PLCG2: variants seen among roughly 807,000 people sequenced by gnomAD.
PLCG2 encodes the protein 1-phosphatidylinositol 4,5-bisphosphate phosphodiesterase gamma-2.
In PLCG2, 69 loss-of-function variants were observed where a neutral mutation model predicts 175.6. The ratio of observed to expected loss-of-function variants is 0.39; its 90% confidence interval spans 0.32 to 0.48. PLCG2 has a LOEUF of 0.48. PLCG2 is among the 20% of genes least tolerant of loss of function. The pLI is 0.91. For missense variants in PLCG2, 1,798 were observed against 1,650.9 expected, an observed-to-expected ratio of 1.09 and a Z score of -1.54; for synonymous variants, 827 against 624.0, an observed-to-expected ratio of 1.33 and a Z score of -4.85.
At chr16:81,913,145 A>T (rs943601652) in intron 19 of PLCG2, among the ~76,000 whole-genome samples, 2 of 152,074 alleles carry the variant, frequency 1.3e-5, no homozygotes, top group African/African-American at 4.8e-5. Flanking sequence ...CTGCTGCCCA[A>T]CCACCTCTAG....
At chr16:81,902,112 C>T (rs1909176581) in intron 14 of PLCG2, among the ~76,000 whole-genome samples, 1 of 152,202 alleles carries the variant, frequency 6.6e-6, no homozygotes, top group Admixed American at 6.5e-5. Context: ...GCTGTCCCGT[C>T]CTTTTCTCTA....
At chr16:81,877,328 T>C (rs549355899) in intron 7 of PLCG2, among the ~76,000 whole-genome samples, 163 of 149,718 alleles carry the variant, frequency 1.1e-3, no homozygotes, top group African/African-American at 3.2e-3. Context: ...TAGTGGCGGG[T>C]GCCTGTAGTC....
At chr16:81,760,309 G>A (rs1011254214) in intron 2 of PLCG2, among the ~76,000 whole-genome samples, 12 of 152,134 alleles carry the variant, frequency 7.9e-5, no homozygotes, top group African/African-American at 2.9e-4. Flanking sequence ...GGCTGGTTCT[G>A]CTGGGCTCAG....
In PLCG2 at chr16:81,835,010, G is replaced by A. The variant is rs74029238; in HGVS notation, c.194-19434G>A. On this transcript the variant is annotated intron_variant, in intron 2 of 32. Coordinates refer to ENST00000564138, the MANE Select transcript of PLCG2 (RefSeq NM_002661.5). ...GGGAAAGGCCCATTGCCCACCTCCT[G>A]GTGTCATGAACACTGTTTTTCTCAG... is the stretch of plus-strand genomic sequence containing the variant. 5.4e-3 allele frequency among the ~76,000 whole-genome samples: 828 copies of A among 152,212 alleles called. 7 individuals carry two copies. Among genetic ancestry groups the A allele is most frequent in the Middle Eastern group, 0.024 (7 of 294 alleles).
chr16:81,883,465 T>C, intron 9 of PLCG2, 124 bp downstream of exon 9: 2 of 701,428 alleles, frequency 2.9e-6, no homozygotes, highest in Non-Finnish European at 5.0e-6. Flanking sequence ...TGTGCTCACC[T>C]GGCCACCTGT....
chr16:81,870,777 T>G, intron 6 of PLCG2, 75 bp from the exon 7 acceptor site: 1 of 747,866 alleles, frequency 1.3e-6, no homozygotes, highest in Non-Finnish European at 2.2e-6. Context: ...AAACAAAAAT[T>G]ATTCTATAAA....
intron 31 of PLCG2, among the ~76,000 whole-genome samples, chr16:81,949,653 G>C (rs1409785387): frequency 2.0e-5 from 3 of 152,352 alleles, no homozygotes; most frequent in Middle Eastern, 3.4e-3. Flanking sequence ...GAGGTGAAGA[G>C]AGGGAAACCA....
intron 2 of PLCG2, among the ~76,000 whole-genome samples, chr16:81,789,186 G>A (rs886778034): frequency 2.6e-5 from 4 of 152,246 alleles, no homozygotes; most frequent in African/African-American, 4.8e-5. Flanking sequence ...TTCTTCTGAA[G>A]CTCATTGTGA....
rs757834798 is a variant in PLCG2, at chr16:81,921,262, C to T, written c.2300C>T (p.Pro767Leu). Residue 767 changes from proline to leucine, a missense_variant, in exon 21 of 33, where the codon CCG becomes CTG. Transcript: ENST00000564138. ...RMYVDPSEIN[P>L]SMPQRTVKAL... Reference sequence around the variant, plus strand: ...TATGTGGATCCCAGTGAAATCAATCCGTCCATGGTACGGTGCCGAACCTCC... The same window carrying T: ...TATGTGGATCCCAGTGAAATCAATCTGTCCATGGTACGGTGCCGAACCTCC... 22 of 1,603,980 alleles carry T rather than the reference C, an allele frequency of 1.4e-5. No individual in the cohort carries two copies. The highest frequency in any genetic ancestry group is 1.6e-4 in the Middle Eastern group (1 of 6,066).
At chr16:81,763,324 A>G (rs1480099109) in intron 2 of PLCG2, among the ~76,000 whole-genome samples, 1 of 152,212 alleles carries the variant, frequency 6.6e-6, no homozygotes, top group Non-Finnish European at 1.5e-5. Context: ...AGTGGCCTAA[A>G]GCAACAATAA....
At chr16:81,893,210 T>C (rs749382518) in intron 11 of PLCG2, among the ~76,000 whole-genome samples, 3 of 152,132 alleles carry the variant, frequency 2.0e-5, no homozygotes, top group Non-Finnish European at 4.4e-5. Context: ...AGGAGGAAAG[T>C]GCATTAAAGA....
intron 2 of PLCG2, among the ~76,000 whole-genome samples, chr16:81,841,772 C>T (rs530009837): frequency 6.6e-6 from 1 of 152,204 alleles, no homozygotes; most frequent in South Asian, 2.1e-4. Flanking sequence ...ACATGTTCTT[C>T]TGCTGTGTAT....
intron 1 of PLCG2, among the ~76,000 whole-genome samples, chr16:81,742,809 C>T (rs1169608892): frequency 1.3e-5 from 2 of 152,212 alleles, no homozygotes; most frequent in African/African-American, 2.4e-5. Context: ...TCCTCAGGTT[C>T]TGGGACCCAG....
chr16:81,780,715 C>T (rs1017050998), intron 1 of PLCG2, among the ~76,000 whole-genome samples: 1 of 152,156 alleles, frequency 6.6e-6, no homozygotes, highest in Admixed American at 6.5e-5. Context: ...TGAAAAGCTG[C>T]TGGTGAGAAA....
At chr16:81,885,204 A>C (rs1365901640) in intron 9 of PLCG2, among the ~76,000 whole-genome samples, 1 of 151,968 alleles carries the variant, frequency 6.6e-6, no homozygotes, top group East Asian at 1.9e-4. Context: ...TTGTATTTTT[A>C]ATAGAGTCGG....
intron 2 of PLCG2, among the ~76,000 whole-genome samples, chr16:81,808,549 G>A (rs975684402): frequency 3.3e-5 from 5 of 152,010 alleles, no homozygotes; most frequent in East Asian, 1.9e-4. Flanking sequence ...GCTGGAGTGC[G>A]GTGGCATGAT....
rs1319889685 is a variant in PLCG2, at chr16:81,938,935, C to T, written c.3313+20C>T. ...TTGTGAGTAAGTCAGTCACCTTGGC[C>T]CCTCTGCTTTTAAACGTCCGGCCAG... is the stretch of plus-strand genomic sequence containing the variant. On this transcript the variant is annotated intron_variant, in intron 29 of 32. Coordinates refer to ENST00000564138, the MANE Select transcript of PLCG2 (RefSeq NM_002661.5). The T allele has an allele frequency of 3.5e-6, 5 of 1,436,920 alleles. No individual in the cohort carries two copies. The highest frequency in any genetic ancestry group is 4.9e-6 in the Non-Finnish European group (5 of 1,021,524). 89.0% of individuals were successfully genotyped at this position (1,436,920 alleles called of 1,614,324 possible). A position where few individuals can be genotyped will look rare whatever the true frequency, so the allele number is the denominator to read the frequency against.
chr16:81,840,716 C>T (rs945332675), intron 2 of PLCG2, among the ~76,000 whole-genome samples: 2 of 152,196 alleles, frequency 1.3e-5, no homozygotes, highest in Non-Finnish European at 2.9e-5. Flanking sequence ...CCCTGCTCAC[C>T]TCCTGCTGTG....
chr16:81,772,763 C>G (rs1239855253), intron 2 of PLCG2, among the ~76,000 whole-genome samples: 2 of 151,958 alleles, frequency 1.3e-5, no homozygotes, highest in Non-Finnish European at 2.9e-5. Flanking sequence ...GAGCCAAGAT[C>G]ATGCCACTGT....
Sources: allele counts gnomAD v4.1 joint callset (sites outside exome capture counted in the v4.1 genomes callset), GRCh38; gene constraint gnomAD v4.1.1; transcripts MANE v1.5; gene names NCBI Gene and HGNC (gene_info 2026-07-23, HGNC 2026-07-21).